The following FBXO10 variants were observed in gnomAD, a reference collection of about 807,000 sequenced individuals.
The protein encoded by FBXO10 is F-box only protein 10.
FBXO10 carries 39 observed loss-of-function variants against 80.7 expected under a neutral mutation model. That is an observed-to-expected ratio of 0.48 (90% CI 0.37 to 0.63). The LOEUF (loss-of-function observed/expected upper bound fraction) is 0.63, where lower values mean the gene tolerates loss of function less well. FBXO10 is among the 30% of genes least tolerant of loss of function. FBXO10 has a pLI of 0.00. For missense variants in FBXO10, 1,025 were observed against 1,269.0 expected (o/e 0.81, Z 2.92); for synonymous variants, 449 against 489.6 (o/e 0.92, Z 1.09).
rs61746287 is a variant in FBXO10 at position 37,531,978 on chromosome 9, G to T, written c.1500C>A (p.Ala500=). ...FLRLEGGGLI[A]GNNIYHNAEA... ...CTGCATTGTGGTAAATGTTGTTGCC[G>T]GCAATCAAGCCACCGCCCTCCAAGC... The change falls in exon 4 of 11, where the codon GCC becomes GCA. Residue 500 remains alanine, a synonymous_variant. Coordinates refer to ENST00000432825, the MANE Select transcript of FBXO10 (RefSeq NM_012166.3). The T allele has an allele frequency of 6.2e-7, 1 of 1,613,844 alleles. No homozygotes were observed. Among genetic ancestry groups the T allele is most frequent in the African/African-American group, 1.3e-5 (1 of 74,922 alleles).
intron 3 of FBXO10, among the ~76,000 whole-genome samples, chr9:37,533,891 A>G (rs1821690221): frequency 6.6e-6 from 1 of 151,984 alleles, no homozygotes; most frequent in Non-Finnish European, 1.5e-5. Flanking sequence ...AAAAACAAAA[A>G]AAACACAACC....
chr9:37,537,264 G>T lies in FBXO10; in HGVS notation c.1265C>A (p.Ala422Glu). The change falls in exon 3 of 11, where the codon GCA (alanine) becomes GAA (glutamate). Residue 422 changes from alanine (A) to glutamate (E), a missense_variant. Ala to Glu is a moderately radical substitution (Grantham distance 107). This residue lies in a region of FBXO10 where 478 missense variants were observed against 667.8 expected (regional missense o/e 0.72). Transcript: ENST00000432825. The part of the protein sequence containing the change: ...QELQKDKEAM[A>E]LANSVQGCLI... ...GCAGCCCTGCACGGAGTTGGCCAGT[G>T]CCATGGCCTCCTTATCCTTCTGCAG... The T allele has an allele frequency of 1.2e-6, 2 of 1,613,848 alleles. No individual in the cohort carries two copies. The highest frequency in any genetic ancestry group is 1.7e-6 in the Non-Finnish European group (2 of 1,179,870).
chr9:37,522,107 GCA>G, intron 7 of FBXO10, among the ~76,000 whole-genome samples: 1 of 152,238 alleles, frequency 6.6e-6, no homozygotes, highest in Non-Finnish European at 1.5e-5. Context: ...CACATCAGAA[GCA>G]CATGAGCCCA....
chr9:37,541,869 C>T (rs1406187247), intron 1 of FBXO10, 95 bp from the exon 2 acceptor site: 11 of 1,090,936 alleles, frequency 1.0e-5, no homozygotes, highest in Non-Finnish European at 1.4e-5. Flanking sequence ...ACTCTTCTTG[C>T]CCAGGCTGGA....
chr9:37,570,552 T>G (rs562171655), intron 1 of FBXO10, among the ~76,000 whole-genome samples: 1 of 151,634 alleles, frequency 6.6e-6, no homozygotes, highest in South Asian at 2.1e-4. Context: ...GAAAACAAAT[T>G]TATTATGAAG....
chr9:37,522,973 A>G lies in FBXO10; in HGVS notation c.1782T>C (p.Asn594=). 6.3e-7 allele frequency: 1 copy of G among 1,593,098 alleles called. No homozygotes were observed. Among genetic ancestry groups the G allele is most frequent in the Non-Finnish European group, 8.5e-7 (1 of 1,170,148 alleles). Residue 594 remains asparagine (N), a synonymous_variant, in exon 7 of 11, where the codon AAT becomes AAC. Coordinates refer to ENST00000432825, the MANE Select transcript of FBXO10 (RefSeq NM_012166.3). Reference sequence around the variant, plus strand: ...CTCCCCACTGATTCTCACGGATGACATTTTCTATGGAGAGAAGCAGAAAAG... The same window carrying G: ...CTCCCCACTGATTCTCACGGATGACGTTTTCTATGGAGAGAAGCAGAAAAG... The part of the protein sequence containing the change: ...NENGKGLITE[N]VIRENQWGGV...
intron 3 of FBXO10, among the ~76,000 whole-genome samples, chr9:37,533,686 C>T (rs1324479714): frequency 6.6e-6 from 1 of 151,940 alleles, no homozygotes; most frequent in East Asian, 1.9e-4. Flanking sequence ...GCCTGGCCAA[C>T]ATGGTGAAAC....
At chr9:37,535,297 A>G (rs1821729738) in intron 3 of FBXO10, among the ~76,000 whole-genome samples, 1 of 152,174 alleles carries the variant, frequency 6.6e-6, no homozygotes, top group African/African-American at 2.4e-5. Flanking sequence ...CTGACTTCCA[A>G]CTAAAATTTA....
In FBXO10 at chr9:37,518,180, T is replaced by C; in HGVS notation, c.2459A>G (p.Asp820Gly). 1.2e-6 allele frequency: 2 copies of C among 1,614,046 alleles called. No homozygotes were observed. The highest frequency in any genetic ancestry group is 1.7e-6 in the Non-Finnish European group (2 of 1,179,900). Residue 820 changes from aspartate (D) to glycine (G), a missense_variant, in exon 9 of 11, where the codon GAT (aspartate) becomes GGT (glycine). Coordinates refer to ENST00000432825, the MANE Select transcript of FBXO10 (RefSeq NM_012166.3). ...KGDSTIVIENDIIGNRGSGLQ... is the reference protein window; with the variant it reads ...KGDSTIVIENGIIGNRGSGLQ... ...CCCGCTGCCCCGGTTGCCAATGATA[T>C]CGTTTTCAATGACGATGGTGCTGTC... is the stretch of plus-strand genomic sequence containing the variant.
At chr9:37,554,616 A>G (rs575906401) in intron 1 of FBXO10, among the ~76,000 whole-genome samples, 4 of 152,218 alleles carry the variant, frequency 2.6e-5, no homozygotes, top group Non-Finnish European at 4.4e-5. Flanking sequence ...ATCTCCTCAA[A>G]TTCCTACTAT....
Position 37,543,211 on chromosome 9 carries a change from T to C in FBXO10, c.-6-1437A>G, listed in dbSNP as rs549885914. The stretch of plus-strand genomic sequence containing the variant: ...CAGCCATCTACCTACTTGCTTTTTC[T>C]GGAAAATCTTCTTCTCCCCTACCAG... On this transcript the variant is annotated intron_variant, in intron 1 of 10. Transcript: ENST00000432825. 3.9e-5 allele frequency among the ~76,000 whole-genome samples: 6 copies of C among 152,236 alleles called. No individual in the cohort carries two copies. The South Asian group carries it at 1.2e-3, about 32-fold the overall frequency.
At chr9:37,569,162 C>A (rs1822683476) in intron 1 of FBXO10, among the ~76,000 whole-genome samples, 2 of 151,594 alleles carry the variant, frequency 1.3e-5, no homozygotes, top group South Asian at 4.2e-4. Flanking sequence ...TCATAAGAGA[C>A]TTACCTAAAA....
At chr9:37,570,551 T>C (rs1822724745) in intron 1 of FBXO10, among the ~76,000 whole-genome samples, 1 of 151,714 alleles carries the variant, frequency 6.6e-6, no homozygotes, top group African/African-American at 2.4e-5. Context: ...AGAAAACAAA[T>C]TTATTATGAA....
At chr9:37,572,819 A>T (rs763021812) in intron 1 of FBXO10, among the ~76,000 whole-genome samples, 1 of 152,226 alleles carries the variant, frequency 6.6e-6, no homozygotes, top group Non-Finnish European at 1.5e-5. Context: ...TTTACCATGC[A>T]TATTTGCTGT....
Position 37,537,564 on chromosome 9 carries a change from G to A in FBXO10, c.965C>T (p.Pro322Leu). 6.2e-7 allele frequency: 1 copy of A among 1,613,434 alleles called. No homozygotes were observed. Among genetic ancestry groups the A allele is most frequent in the African/African-American group, 1.3e-5 (1 of 75,032 alleles). ...VIEGSQSPTS[P>L]ASSSPKPGSK... ...GCCTGGCTTTGGGGAGCTAGAGGCT[G>A]GGCTGGTAGGGCTCTGGCTGCCCTC... is the stretch of plus-strand genomic sequence containing the variant. The change falls in exon 3 of 11, where the codon CCA (proline) becomes CTA (leucine). Residue 322 changes from proline (P) to leucine (L), a missense_variant. Coordinates refer to ENST00000432825, the MANE Select transcript of FBXO10 (RefSeq NM_012166.3).
At chr9:37,536,987 T>G in intron 3 of FBXO10, 123 bp downstream of exon 3, 1 of 685,160 alleles carries the variant, frequency 1.5e-6, no homozygotes. Flanking sequence ...ATGATGGGCA[T>G]GACGTCAAGC....
intron 1 of FBXO10, among the ~76,000 whole-genome samples, chr9:37,554,290 C>T (rs2119162513): frequency 6.6e-6 from 1 of 152,284 alleles, no homozygotes; most frequent in African/African-American, 2.4e-5. Flanking sequence ...AAAACTGTAT[C>T]ATGTCAAAAA....
chr9:37,537,988 G>C (rs374993378), intron 2 of FBXO10, 45 bp from the exon 3 acceptor site: 53 of 1,489,484 alleles, frequency 3.6e-5, no homozygotes, highest in Non-Finnish European at 4.5e-5. Flanking sequence ...GGATGAGATT[G>C]GTTTTGGACT....
Position 37,537,300 on chromosome 9 carries a change from A to G in FBXO10, c.1229T>C (p.Leu410Pro). 3 of 1,612,960 alleles carry G rather than the reference A, an allele frequency of 1.9e-6. No homozygotes were observed. In the South Asian group the frequency reaches 3.3e-5, roughly 18 times the overall value. Reference sequence around the variant, plus strand: ...CTTATCCTTCTGCAGCTCCTGCTGCAGTGAGTTCAGCACTAGGCAGCTGGG... The same window carrying G: ...CTTATCCTTCTGCAGCTCCTGCTGCGGTGAGTTCAGCACTAGGCAGCTGGG... ...QLPSCLVLNSLQQELQKDKEA... is the reference protein window; with the variant it reads ...QLPSCLVLNSPQQELQKDKEA... The change falls in exon 3 of 11, where the codon CTG becomes CCG. Residue 410 changes from leucine (L) to proline (P), a missense_variant. This residue lies in a region of FBXO10 where 478 missense variants were observed against 667.8 expected (regional missense o/e 0.72). Transcript: ENST00000432825.
Sources: gnomAD v4.1 joint callset for allele counts (sites outside exome capture counted in the v4.1 genomes callset) on GRCh38, gnomAD v4.1.1 for gene constraint, gnomAD v4.1.1 regional missense constraint, MANE v1.5 for transcripts, NCBI Gene and HGNC (gene_info 2026-07-23, HGNC 2026-07-21) for gene names.